PHACTR1: variants seen among roughly 807,000 people sequenced by gnomAD.
The protein encoded by PHACTR1 is RPEL repeat containing 1.
Under a neutral mutation model 69.2 loss-of-function variants are expected in PHACTR1, and 16 were observed. That is an observed-to-expected ratio of 0.23 (90% CI 0.16 to 0.35). PHACTR1 has a LOEUF of 0.35. Among genes scored for constraint, PHACTR1 ranks in the 10% least tolerant of loss-of-function variants. The probability of loss-of-function intolerance (pLI) is 1.00; values close to 1 mark genes in which losing one functional copy is unlikely to be tolerated. For missense variants in PHACTR1, 510 were observed against 734.7 expected (o/e 0.69, Z 3.54); for synonymous variants, 312 against 284.5 (o/e 1.10, Z -0.97).
chr6:12,740,407 T>A (rs1764880817), intron 3 of PHACTR1, among the ~76,000 whole-genome samples: 1 of 152,200 alleles, frequency 6.6e-6, no homozygotes, highest in Non-Finnish European at 1.5e-5. Flanking sequence ...TTCTCACCAG[T>A]ACTGGCATTA....
chr6:13,183,857 C>G lies in PHACTR1; in HGVS notation c.664+1171C>G, dbSNP rs148644963. Among the ~76,000 whole-genome samples the G allele has an allele frequency of 3.8e-3, 573 of 152,312 alleles. 3 individuals carry two copies. The highest frequency in any genetic ancestry group is 3.5e-3 in the Non-Finnish European group (238 of 68,028). ...TCCAGCAGAATCACAGAGTTTCAAT[C>G]TGTCATCAGCCAAGCTACCGGCATG... On this transcript the variant is annotated intron_variant, in intron 7 of 14. Transcript: ENST00000332995.
chr6:12,789,206 A>G (rs1371727067), intron 4 of PHACTR1, among the ~76,000 whole-genome samples: 1 of 152,046 alleles, frequency 6.6e-6, no homozygotes, highest in South Asian at 2.1e-4. Context: ...CTAAAGTGAA[A>G]TTTTCACACC....
chr6:12,831,524 G>T (rs1777580397), intron 4 of PHACTR1, among the ~76,000 whole-genome samples: 1 of 152,130 alleles, frequency 6.6e-6, no homozygotes, highest in African/African-American at 2.4e-5. Context: ...TACAGCCTGG[G>T]TCAGAAGTCT....
At chr6:12,950,894 C>T (rs1391825926) in intron 4 of PHACTR1, among the ~76,000 whole-genome samples, 1 of 152,172 alleles carries the variant, frequency 6.6e-6, no homozygotes, top group Non-Finnish European at 1.5e-5. Context: ...GCGCCATTAC[C>T]TAGGCCTCTG....
chr6:12,906,957 C>T (rs1785803616), intron 4 of PHACTR1, among the ~76,000 whole-genome samples: 1 of 152,118 alleles, frequency 6.6e-6, no homozygotes. Context: ...GAGTAGTTCC[C>T]TGAGAAAGGA....
intron 3 of PHACTR1, among the ~76,000 whole-genome samples, chr6:12,725,358 A>T (rs892924957): frequency 6.6e-6 from 1 of 152,184 alleles, no homozygotes; most frequent in Admixed American, 6.5e-5. Context: ...AACACAAAAC[A>T]TGCTCATACT....
chr6:12,893,888 C>T (rs891881636), intron 4 of PHACTR1, among the ~76,000 whole-genome samples: 3 of 152,158 alleles, frequency 2.0e-5, no homozygotes, highest in Non-Finnish European at 4.4e-5. Context: ...TCTGGAACCC[C>T]TCTATGTAAC....
chr6:13,002,719 T>G (rs1194186115), intron 4 of PHACTR1, among the ~76,000 whole-genome samples: 1 of 152,226 alleles, frequency 6.6e-6, no homozygotes. Context: ...TTCTAAACAG[T>G]TCCCAGTTGT....
chr6:13,049,047 A>G (rs948985830), intron 4 of PHACTR1, among the ~76,000 whole-genome samples: 3 of 152,214 alleles, frequency 2.0e-5, no homozygotes, highest in Non-Finnish European at 4.4e-5. Context: ...AACATCATGA[A>G]TTTCATAATA....
chr6:12,725,357 C>T (rs1269483332), intron 3 of PHACTR1, among the ~76,000 whole-genome samples: 1 of 152,206 alleles, frequency 6.6e-6, no homozygotes, highest in Non-Finnish European at 1.5e-5. Flanking sequence ...AAACACAAAA[C>T]ATGCTCATAC....
At chr6:13,096,719 A>T (rs949321894) in intron 5 of PHACTR1, among the ~76,000 whole-genome samples, 2 of 152,204 alleles carry the variant, frequency 1.3e-5, no homozygotes, top group Non-Finnish European at 2.9e-5. Context: ...TGGATATGTC[A>T]GCATAGTGAC....
chr6:13,245,523 T>A lies in PHACTR1; in HGVS notation c.1391+15330T>A, dbSNP rs893125911. Among the ~76,000 whole-genome samples the A allele has an allele frequency of 1.8e-4, 27 of 152,240 alleles. No homozygotes were observed. The highest frequency in any genetic ancestry group is 3.2e-4 in the Non-Finnish European group (22 of 68,034). On this transcript the variant is annotated intron_variant, in intron 10 of 14. Coordinates refer to ENST00000332995, the MANE Select transcript of PHACTR1 (RefSeq NM_030948.6). This position sits in a 1 kb window ranked among gnomAD's most constrained non-coding sequence, Gnocchi z 4.1. ...AATGGGGTTGTTTGTTTTTTGCTTG[T>A]AAATTTAAGTTTCTTATAGATGCTG...
chr6:12,944,787 A>ATTTATTT lies in PHACTR1; in HGVS notation c.251-108575_251-108574insATTTTTT, dbSNP rs1554172585. ...TTTATTTATTTATTTATTTTTATTT[A>ATTTATTT]TTTTTTTTTTTTTGAGACGGAGTCT... On this transcript the variant is annotated intron_variant, in intron 4 of 14. Transcript: ENST00000332995. 5.3e-4 allele frequency among the ~76,000 whole-genome samples: 62 copies of ATTTATTT among 116,396 alleles called. 2 individuals are homozygous for ATTTATTT. The highest frequency in any genetic ancestry group is 1.1e-3 in the East Asian group (5 of 4,736). 76.4% of individuals were successfully genotyped at this position (116,396 alleles called of 152,430 possible). A position where few individuals can be genotyped will look rare whatever the true frequency, so the allele number is the denominator to read the frequency against.
chr6:13,229,550 C>T (rs1770454094), intron 9 of PHACTR1, among the ~76,000 whole-genome samples: 1 of 152,166 alleles, frequency 6.6e-6, no homozygotes, highest in African/African-American at 2.4e-5. Flanking sequence ...CCCCCAGCTC[C>T]AGTGTAGTTG....
At chr6:12,914,639 G>A (rs1271405096) in intron 4 of PHACTR1, among the ~76,000 whole-genome samples, 1 of 151,888 alleles carries the variant, frequency 6.6e-6, no homozygotes, top group African/African-American at 2.4e-5. Context: ...CTCCTTCTCA[G>A]TCTCAATAAG....
chr6:13,063,617 A>C (rs1278395872), intron 5 of PHACTR1, among the ~76,000 whole-genome samples: 6 of 151,876 alleles, frequency 4.0e-5, no homozygotes, highest in Non-Finnish European at 7.4e-5. Context: ...CCACAAAAAA[A>C]AAAAAATTAA....
intron 4 of PHACTR1, among the ~76,000 whole-genome samples, chr6:12,842,277 G>A (rs1778774065): frequency 6.6e-6 from 1 of 152,132 alleles, no homozygotes; most frequent in Admixed American, 6.5e-5. Flanking sequence ...CATGACTCAT[G>A]AGTATCACTT....
chr6:13,048,040 T>C lies in PHACTR1; in HGVS notation c.251-5325T>C, dbSNP rs72820869. ...CATCAAATATTTTCTTTCTGGCCTG[T>C]CTAAGGAGAAAGAAAAATCATCTCC... On this transcript the variant is annotated intron_variant, in intron 4 of 14. Transcript: ENST00000332995. Among the ~76,000 whole-genome samples the C allele has an allele frequency of 2.1e-3, 324 of 152,242 alleles. 2 individuals carry two copies. The highest frequency in any genetic ancestry group is 7.9e-3 in the Admixed American group (120 of 15,278).
rs1583474286 is a variant in PHACTR1, at chr6:13,127,345, T to C, written c.416-32859T>C. ...ACTTTGGGAGGCAGAGGTGGGAGAA[T>C]TGCTTGAGGCCAGGGGCTTGAGACC... On this transcript the variant is annotated intron_variant, in intron 5 of 14. Coordinates refer to ENST00000332995, the MANE Select transcript of PHACTR1 (RefSeq NM_030948.6). 2.6e-5 allele frequency among the ~76,000 whole-genome samples: 4 copies of C among 152,206 alleles called. 1 individual carries two copies. The highest frequency in any genetic ancestry group is 2.6e-4 in the Admixed American group (4 of 15,286).
Sources: allele counts gnomAD v4.1 joint callset (sites outside exome capture counted in the v4.1 genomes callset), GRCh38; gene constraint gnomAD v4.1.1; non-coding constraint Gnocchi (gnomAD v3.1); transcripts MANE v1.5; gene names NCBI Gene and HGNC (gene_info 2026-07-23, HGNC 2026-07-21).